The following CDKAL1 variants were observed in gnomAD, a reference collection of about 807,000 sequenced individuals.
The protein encoded by CDKAL1 is threonylcarbamoyladenosine tRNA methylthiotransferase.
A neutral mutation model predicts 68.2 loss-of-function variants in CDKAL1; 32 were observed. That is an observed-to-expected ratio of 0.47 (90% CI 0.35 to 0.63). The LOEUF (loss-of-function observed/expected upper bound fraction) is 0.63. CDKAL1 is among the 30% of genes least tolerant of loss of function. CDKAL1 has a pLI of 0.00. For synonymous variants in CDKAL1, 234 were observed against 244.3 expected, an observed-to-expected ratio of 0.96 and a Z score of 0.39; for missense variants, 606 against 696.7, an observed-to-expected ratio of 0.87 and a Z score of 1.47.
intron 13 of CDKAL1, among the ~76,000 whole-genome samples, chr6:21,159,184 G>T (rs900440025): frequency 2.0e-5 from 3 of 150,084 alleles, no homozygotes; most frequent in African/African-American, 7.4e-5. Context: ...CTTGAAAAAT[G>T]AGTGTAATAG....
In CDKAL1 at chr6:21,184,711, C is replaced by G. The variant is rs1237902887; in HGVS notation, c.1300-13310C>G. 2.0e-5 allele frequency among the ~76,000 whole-genome samples: 3 copies of G among 152,056 alleles called. No homozygotes were observed. The South Asian group carries it at 6.2e-4, about 32-fold the overall frequency. The stretch of plus-strand genomic sequence containing the variant: ...CTGTTCCCAGGCTGGAGTACAGTGG[C>G]ACATTCATAGCTCACTGGTGCCTTG... On this transcript the variant is annotated intron_variant, in intron 13 of 15. Transcript: ENST00000274695.
intron 6 of CDKAL1, among the ~76,000 whole-genome samples, chr6:20,741,111 G>A (rs755932282): frequency 6.6e-6 from 1 of 151,980 alleles, no homozygotes; most frequent in African/African-American, 2.4e-5. Context: ...ATTGTGTGCC[G>A]GGAAAAGCGT....
rs553802385 is a variant in CDKAL1, at chr6:21,210,878, A to G, written c.1548+9604A>G. 1.2e-3 allele frequency among the ~76,000 whole-genome samples: 187 copies of G among 152,222 alleles called. 1 individual carries two copies. Among genetic ancestry groups the G allele is most frequent in the Middle Eastern group, 6.8e-3 (2 of 294 alleles). On this transcript the variant is annotated intron_variant, in intron 15 of 15. Transcript: ENST00000274695. ...GAGTTTTCCAGAAACAACACCCAGA[A>G]CCACACAGGAGCTTCTGGTAAGAGG...
chr6:20,869,294 C>T lies in CDKAL1; in HGVS notation c.742+23116C>T, dbSNP rs77075755. Among the ~76,000 whole-genome samples the T allele has an allele frequency of 7.7e-3, 1,166 of 152,242 alleles. 25 individuals carry two copies. Among genetic ancestry groups the T allele is most frequent in the African/African-American group, 0.026 (1,094 of 41,534 alleles). The stretch of plus-strand genomic sequence containing the variant: ...GACCATCTGATTCTAAACCATTTAC[C>T]ACTCTTGTAGTTATTTAAATTAAAA... On this transcript the variant is annotated intron_variant, in intron 9 of 15. Coordinates refer to ENST00000274695, the MANE Select transcript of CDKAL1 (RefSeq NM_017774.3).
intron 9 of CDKAL1, among the ~76,000 whole-genome samples, chr6:20,908,593 A>C (rs189878290): frequency 6.6e-6 from 1 of 152,348 alleles, no homozygotes; most frequent in Admixed American, 6.5e-5. Flanking sequence ...TATTTATAAA[A>C]ATTAAAAAAA....
intron 4 of CDKAL1, among the ~76,000 whole-genome samples, chr6:20,551,839 T>G (rs1310297211): frequency 2.0e-5 from 3 of 152,104 alleles, no homozygotes; most frequent in African/African-American, 7.2e-5. Context: ...GGGCTTGCCT[T>G]ACCATATTCT....
intron 6 of CDKAL1, among the ~76,000 whole-genome samples, chr6:20,746,005 C>A (rs7738382): frequency 0.64 from 97,527 of 152,016 alleles, 32,087 homozygotes; most frequent in Non-Finnish European, 0.73. Context: ...GTCCCAAACA[C>A]TGTTTCTGTG....
chr6:20,739,485 A>G, intron 5 of CDKAL1, 34 bp from the exon 6 acceptor site: 1 of 1,366,908 alleles, frequency 7.3e-7, no homozygotes, highest in Non-Finnish European at 1.0e-6. Context: ...CCATGAGCAA[A>G]GGAATTCACA....
At chr6:20,575,165 T>C (rs1274874249) in intron 4 of CDKAL1, among the ~76,000 whole-genome samples, 1 of 151,900 alleles carries the variant, frequency 6.6e-6, no homozygotes, top group Non-Finnish European at 1.5e-5. Context: ...GCTGTTAAGA[T>C]TGGAGTATTT....
chr6:20,765,407 C>T (rs1774655140), intron 7 of CDKAL1, among the ~76,000 whole-genome samples: 1 of 30,252 alleles, frequency 3.3e-5, no homozygotes, highest in African/African-American at 1.3e-4. Context: ...CCGCCCGCCT[C>T]GGCCTCCCAA....
intron 5 of CDKAL1, among the ~76,000 whole-genome samples, chr6:20,705,565 C>T (rs952527896): frequency 5.3e-5 from 8 of 152,114 alleles, no homozygotes; most frequent in Admixed American, 3.9e-4. Flanking sequence ...TTCAGACATT[C>T]GGAGATCTCA....
intron 8 of CDKAL1, among the ~76,000 whole-genome samples, chr6:20,808,546 G>A (rs765656004): frequency 3.7e-4 from 57 of 152,130 alleles, no homozygotes; most frequent in Non-Finnish European, 6.8e-4. Context: ...TGTTCTTGCA[G>A]ACAAGGAGTT....
chr6:20,965,469 C>G (rs1369523824), intron 10 of CDKAL1, among the ~76,000 whole-genome samples: 1 of 151,898 alleles, frequency 6.6e-6, no homozygotes, highest in Non-Finnish European at 1.5e-5. Context: ...AGTTGAATAT[C>G]TATCCTGGGT....
At chr6:21,047,069 A>C (rs1408370258) in intron 11 of CDKAL1, among the ~76,000 whole-genome samples, 1 of 151,822 alleles carries the variant, frequency 6.6e-6, no homozygotes, top group African/African-American at 2.4e-5. Context: ...AGCTTGAAAC[A>C]ATTCTTAGTT....
Position 21,218,036 on chromosome 6 carries a change from T to C in CDKAL1, c.1549-12812T>C, listed in dbSNP as rs530464541. Among the ~76,000 whole-genome samples, 7 of 152,352 alleles carry C rather than the reference T, an allele frequency of 4.6e-5. No individual in the cohort carries two copies. In the East Asian group the frequency reaches 5.8e-4, roughly 13 times the overall value. ...TTTTGTTCTTTTGTTTAGAACTTTGTATATTTTTGTGATTTGTTTAAGAAG... is the reference window on the plus strand; with the variant it reads ...TTTTGTTCTTTTGTTTAGAACTTTGCATATTTTTGTGATTTGTTTAAGAAG... On this transcript the variant is annotated intron_variant, in intron 15 of 15. Coordinates refer to ENST00000274695, the MANE Select transcript of CDKAL1 (RefSeq NM_017774.3).
chr6:21,171,299 G>A (rs535335311), intron 13 of CDKAL1, among the ~76,000 whole-genome samples: 93 of 152,114 alleles, frequency 6.1e-4, no homozygotes, highest in African/African-American at 2.2e-3. Context: ...TGCAACCTCT[G>A]CCTCCCAGGT....
intron 9 of CDKAL1, among the ~76,000 whole-genome samples, chr6:20,881,248 G>A (rs956212981): frequency 6.6e-6 from 1 of 152,110 alleles, no homozygotes; most frequent in African/African-American, 2.4e-5. Context: ...TTGAGAATTT[G>A]CATTTCTGTC....
chr6:20,776,029 G>T (rs1468374112), intron 7 of CDKAL1, among the ~76,000 whole-genome samples: 1 of 151,754 alleles, frequency 6.6e-6, no homozygotes, highest in Non-Finnish European at 1.5e-5. Flanking sequence ...TGTTAGGTCT[G>T]CTGCTCTTTA....
At chr6:20,664,551 A>G (rs35778487) in intron 5 of CDKAL1, among the ~76,000 whole-genome samples, 2,008 of 152,276 alleles carry the variant, frequency 0.013, 22 homozygotes, top group Non-Finnish European at 0.021. Context: ...ACCTCAAATG[A>G]GAAAATGGTT....
Sources: allele counts gnomAD v4.1 joint callset (sites outside exome capture counted in the v4.1 genomes callset), GRCh38; gene constraint gnomAD v4.1.1; transcripts MANE v1.5; gene names NCBI Gene and HGNC (gene_info 2026-07-23, HGNC 2026-07-21).